KCNU1: variants seen among roughly 807,000 people sequenced by gnomAD.
KCNU1 encodes the protein potassium calcium-activated channel subfamily U member 1, also known as potassium channel subfamily U member 1.
Under a neutral mutation model 126.8 loss-of-function variants are expected in KCNU1, and 93 were observed. That is an observed-to-expected ratio of 0.73 (90% CI 0.62 to 0.87). The LOEUF is 0.87. Among genes scored for constraint, KCNU1 ranks in the 40% least tolerant of loss-of-function variants. The pLI, the probability that KCNU1 is intolerant of heterozygous loss-of-function variation, is 0.00. For missense variants in KCNU1, 1,330 were observed against 1,367.1 expected (o/e 0.97, Z 0.43); for synonymous variants, 523 against 494.2 (o/e 1.06, Z -0.77).
chr8:36,826,591 T>G (rs1033948877), intron 10 of KCNU1, among the ~76,000 whole-genome samples: 4 of 152,182 alleles, frequency 2.6e-5, no homozygotes, highest in Non-Finnish European at 4.4e-5. Flanking sequence ...GGATAATTTG[T>G]TTTGACCTAG....
intron 7 of KCNU1, among the ~76,000 whole-genome samples, chr8:36,812,801 A>G (rs572336936): frequency 6.6e-6 from 1 of 152,304 alleles, no homozygotes; most frequent in African/African-American, 2.4e-5. Context: ...CTAAAGAGAT[A>G]CTGAGAAAGT....
At chr8:36,784,694 C>T in intron 1 of KCNU1, 89 bp downstream of exon 1, 1 of 1,057,518 alleles carries the variant, frequency 9.5e-7, no homozygotes, top group Admixed American at 2.7e-5. Flanking sequence ...AAGCTTCATT[C>T]AGTTTTTCAA....
intron 18 of KCNU1, among the ~76,000 whole-genome samples, chr8:36,856,216 T>A (rs954509354): frequency 5.9e-5 from 9 of 152,194 alleles, no homozygotes; most frequent in Non-Finnish European, 1.2e-4. Flanking sequence ...TTTCAACATA[T>A]TTAGAATATT....
chr8:36,904,165 T>C lies in KCNU1; in HGVS notation c.2010-1543T>C, dbSNP rs574074742. Among the ~76,000 whole-genome samples, 21 of 152,296 alleles carry C rather than the reference T, an allele frequency of 1.4e-4. 4 individuals are homozygous for C. The highest frequency in any genetic ancestry group is 5.1e-4 in the African/African-American group (21 of 41,572). Reference sequence around the variant, plus strand: ...AAAAGGAATTGGTGTTAGAATGAGATGGACTTATGCCCTGGTAACAGCTAT... The same window carrying C: ...AAAAGGAATTGGTGTTAGAATGAGACGGACTTATGCCCTGGTAACAGCTAT... On this transcript the variant is annotated intron_variant, in intron 19 of 26. Transcript: ENST00000399881.
chr8:36,842,508 TA>T (rs1336512269), intron 16 of KCNU1, among the ~76,000 whole-genome samples: 1 of 152,168 alleles, frequency 6.6e-6, no homozygotes, highest in African/African-American at 2.4e-5. Flanking sequence ...AACATCTGCA[TA>T]AATGAGCCTC....
Position 36,910,951 on chromosome 8 carries a change from G to A in KCNU1, c.2353G>A (p.Asp785Asn). 2 of 1,611,992 alleles carry A rather than the reference G, an allele frequency of 1.2e-6. No homozygotes were observed. Among genetic ancestry groups the A allele is most frequent in the Non-Finnish European group, 8.5e-7 (1 of 1,178,742 alleles). The part of the protein sequence containing the change: ...ILPGCALYSG[D>N]LHAANIEQCS... ...TTAGGGATGTGCACTTTATTCTGGA[G>A]ACCTCCATGCGGCCAACATAGAGCA... The change falls in exon 22 of 27, where the codon GAC becomes AAC. Residue 785 changes from aspartate to asparagine, a missense_variant. By Grantham distance (23) the Asp-to-Asn change is conservative (BLOSUM62 1). This residue lies in a region of KCNU1 where 1,054 missense variants were observed against 1,053.9 expected (regional missense o/e 1.00). Coordinates refer to ENST00000399881, the MANE Select transcript of KCNU1 (RefSeq NM_001031836.3).
chr8:36,902,796 AGGGTCCTGTCT>A (rs1334294792), intron 19 of KCNU1, among the ~76,000 whole-genome samples: 1 of 152,134 alleles, frequency 6.6e-6, no homozygotes, highest in East Asian at 1.9e-4. Context: ...GGCTGCCATC[AGGGTCCTGTCT>A]GGTATGATTA....
At chr8:36,808,876 C>T in intron 7 of KCNU1, 83 bp downstream of exon 7, 1 of 948,308 alleles carries the variant, frequency 1.1e-6, no homozygotes, top group Non-Finnish European at 1.7e-6. Flanking sequence ...CCTGCTGAGC[C>T]CCTGTCTCCA....
In KCNU1 at chr8:36,868,756, A is replaced by T. The variant is rs536936440; in HGVS notation, c.2009+4235A>T. On this transcript the variant is annotated intron_variant, in intron 19 of 26. Transcript: ENST00000399881. ...TGGTAGTTAAATATATATTTGTTGA[A>T]TGAATAAGTATACAAACATTAGCTC... Among the ~76,000 whole-genome samples, 11 of 152,298 alleles carry T rather than the reference A, an allele frequency of 7.2e-5. No individual in the cohort carries two copies. The East Asian group carries it at 2.1e-3, about 29-fold the overall frequency.
At chr8:36,788,253 T>A (rs552912345) in intron 2 of KCNU1, among the ~76,000 whole-genome samples, 35 of 152,322 alleles carry the variant, frequency 2.3e-4, no homozygotes, top group Non-Finnish European at 4.4e-4. Context: ...GTTCCTCCTC[T>A]AGCTTCTTTA....
chr8:36,800,076 G>A (rs1057410857), intron 2 of KCNU1, among the ~76,000 whole-genome samples: 2 of 152,008 alleles, frequency 1.3e-5, no homozygotes, highest in South Asian at 4.1e-4. Context: ...AATCTCACTA[G>A]AAACTCTAAT....
chr8:36,822,208 T>C (rs1476541258), intron 10 of KCNU1, among the ~76,000 whole-genome samples: 2 of 151,974 alleles, frequency 1.3e-5, no homozygotes, highest in African/African-American at 4.8e-5. Flanking sequence ...AATATAACTA[T>C]AAAAAATAAA....
chr8:36,895,491 T>C (rs1416604481), intron 19 of KCNU1, among the ~76,000 whole-genome samples: 1 of 152,144 alleles, frequency 6.6e-6, no homozygotes, highest in Non-Finnish European at 1.5e-5. Context: ...TATTATTCAC[T>C]GCAGGTTTCA....
At position 36,814,461 on chromosome 8, in the gene KCNU1, G is replaced by A. The variant is rs1295776289; in HGVS notation, c.903+84G>A. On this transcript the variant is annotated intron_variant, in intron 8 of 26. Coordinates refer to ENST00000399881, the MANE Select transcript of KCNU1 (RefSeq NM_001031836.3). ...AATGGTAATCAATGAAACAATATAG[G>A]TTTAAGAGTGAATGTTGCATTACTT... is the stretch of plus-strand genomic sequence containing the variant. The A allele has an allele frequency of 1.4e-5, 14 of 973,664 alleles. No homozygotes were observed. In the South Asian group the frequency reaches 1.5e-4, roughly 10 times the overall value. The allele number at this position is 973,664 out of a possible 1,614,324, so 60.3% of individuals were successfully genotyped here. A position where few individuals can be genotyped will look rare whatever the true frequency, so the allele number is the denominator to read the frequency against.
In KCNU1 at chr8:36,824,084, G is replaced by A. The variant is rs186692939; in HGVS notation, c.1106+6324G>A. Among the ~76,000 whole-genome samples, 190 of 152,158 alleles carry A rather than the reference G, an allele frequency of 1.2e-3. 3 individuals carry two copies. Among genetic ancestry groups the A allele is most frequent in the Admixed American group, 0.011 (169 of 15,280 alleles). ...ACTCCTGACCTCAGGTGATCCACCC[G>A]CCTCTACCTCCCAAAGTACTGGGAT... On this transcript the variant is annotated intron_variant, in intron 10 of 26. Transcript: ENST00000399881.
chr8:36,876,239 G>C, intron 19 of KCNU1, among the ~76,000 whole-genome samples: 1 of 152,096 alleles, frequency 6.6e-6, no homozygotes, highest in Non-Finnish European at 1.5e-5. Flanking sequence ...GAACCCACTG[G>C]CATAAGGCTT....
At chr8:36,873,742 A>G (rs1264347869) in intron 19 of KCNU1, among the ~76,000 whole-genome samples, 1 of 152,220 alleles carries the variant, frequency 6.6e-6, no homozygotes, top group East Asian at 1.9e-4. Context: ...CACATGCGCA[A>G]CGATCAGGAC....
At chr8:36,808,661 G>T in intron 6 of KCNU1, 57 bp from the exon 7 acceptor site, 1 of 1,050,984 alleles carries the variant, frequency 9.5e-7, no homozygotes, top group Admixed American at 1.9e-5. Flanking sequence ...AGGATGAGGT[G>T]TTTGTGTTGT....
At chr8:36,828,367 T>C (rs1002852103) in intron 10 of KCNU1, among the ~76,000 whole-genome samples, 2 of 152,116 alleles carry the variant, frequency 1.3e-5, no homozygotes, top group Non-Finnish European at 2.9e-5. Flanking sequence ...TATATTTAAC[T>C]GTATAATCCT....
Sources: allele counts gnomAD v4.1 joint callset (sites outside exome capture counted in the v4.1 genomes callset), GRCh38; gene constraint gnomAD v4.1.1; regional missense constraint gnomAD v4.1.1; transcripts MANE v1.5; gene names NCBI Gene and HGNC (gene_info 2026-07-23, HGNC 2026-07-21).